Variants in COBL observed in about 807,000 individuals in gnomAD.
The protein encoded by COBL is protein cordon-bleu.
In COBL, 51 loss-of-function variants were observed where a neutral mutation model predicts 98.8. That is an observed-to-expected ratio of 0.52 (90% confidence interval 0.41 to 0.65). The LOEUF is 0.65. COBL is among the 30% of genes least tolerant of loss of function. The pLI, the probability that COBL is intolerant of heterozygous loss-of-function variation, is 0.00. For missense variants in COBL, 1,617 were observed against 1,617.5 expected (o/e 1.00, Z 0.01); for synonymous variants, 634 against 651.7 (o/e 0.97, Z 0.41).
At chr7:51,159,553 G>A (rs1336566005) in intron 5 of COBL, among the ~76,000 whole-genome samples, 2 of 152,180 alleles carry the variant, frequency 1.3e-5, no homozygotes, top group Non-Finnish European at 2.9e-5. Context: ...AGCAGGGGAA[G>A]GCCAGAAAGG....
At chr7:51,159,032 T>G (rs1034342306) in intron 5 of COBL, among the ~76,000 whole-genome samples, 1 of 152,078 alleles carries the variant, frequency 6.6e-6, no homozygotes, top group African/African-American at 2.4e-5. Context: ...TATAGTCCAC[T>G]TCCTTTTTTT....
intron 6 of COBL, among the ~76,000 whole-genome samples, chr7:51,094,387 C>CA (rs139044789): frequency 2.0e-5 from 3 of 150,960 alleles, no homozygotes; most frequent in Non-Finnish European, 3.0e-5. Flanking sequence ...AATCTCACCA[C>CA]AAAAAAAAGT....
chr7:51,136,164 C>T lies in COBL; in HGVS notation c.951G>A (p.Ser317=), dbSNP rs781025034. 44 of 1,610,648 alleles carry T rather than the reference C, an allele frequency of 2.7e-5. No homozygotes were observed. The highest frequency in any genetic ancestry group is 2.4e-4 in the South Asian group (22 of 90,690). ...GAACAGCCCACTGCCCTACCTTTTC[C>T]GATGCCTTGTCTTGCACAGGTGGCC... ...GSGPPVQDKA[S]EKVSLGSQID... is the part of the protein sequence containing the mutation. The change falls in exon 6 of 13, where the codon TCG becomes TCA. Residue 317 remains serine, a synonymous_variant. Transcript: ENST00000265136.
chr7:51,219,759 C>T lies in COBL; in HGVS notation c.227G>A (p.Arg76Lys), dbSNP rs1793436424. 1 of 1,614,098 alleles carries T rather than the reference C, an allele frequency of 6.2e-7. No homozygotes were observed. Among genetic ancestry groups the T allele is most frequent in the East Asian group, 2.2e-5 (1 of 44,860 alleles). Residue 76 changes from arginine (R) to lysine (K), a missense_variant, in exon 2 of 13, where the codon AGG becomes AAG. Arg to Lys is a conservative substitution (Grantham distance 26). Coordinates refer to ENST00000265136, the MANE Select transcript of COBL (RefSeq NM_015198.5). ...TVVLPSGLEK[R>K]SVLNGSHAMM... ...CTCTCACCTCCCATTGAGCACGCTCCTCTTCTCCAGCCCACTAGGCAGGAC... is the reference window on the plus strand; with the variant it reads ...CTCTCACCTCCCATTGAGCACGCTCTTCTTCTCCAGCCCACTAGGCAGGAC...
At chr7:51,176,392 A>G (rs1269082481) in intron 5 of COBL, among the ~76,000 whole-genome samples, 1 of 152,044 alleles carries the variant, frequency 6.6e-6, no homozygotes, top group Non-Finnish European at 1.5e-5. Flanking sequence ...TTTGGGATAT[A>G]TATGTATACA....
At chr7:51,265,696 C>T (rs544388499) in intron 1 of COBL, among the ~76,000 whole-genome samples, 1 of 152,172 alleles carries the variant, frequency 6.6e-6, no homozygotes, top group African/African-American at 2.4e-5. Context: ...TCTCCGGACA[C>T]CTGTCCCTGC....
intron 1 of COBL, among the ~76,000 whole-genome samples, chr7:51,287,411 T>C (rs891904791): frequency 6.6e-6 from 1 of 152,128 alleles, no homozygotes. Context: ...TTTAGGTAAA[T>C]GCAAGTTAAA....
rs186919633 is a variant in COBL, at chr7:51,279,179, T to C, written c.41+37414A>G. Among the ~76,000 whole-genome samples the C allele has an allele frequency of 2.3e-3, 351 of 152,326 alleles. 1 individual carries two copies. The highest frequency in any genetic ancestry group is 3.4e-3 in the Non-Finnish European group (229 of 68,032). On this transcript the variant is annotated intron_variant, in intron 1 of 12. Coordinates refer to ENST00000265136, the MANE Select transcript of COBL (RefSeq NM_015198.5). ...GAAAGGCGTGGCACACATTTTAAATTCATCATGAAGTTTCAGCATCTTTCA... is the reference window on the plus strand; with the variant it reads ...GAAAGGCGTGGCACACATTTTAAATCCATCATGAAGTTTCAGCATCTTTCA...
chr7:51,215,840 T>C (rs1020377853), intron 2 of COBL, among the ~76,000 whole-genome samples: 3 of 152,222 alleles, frequency 2.0e-5, no homozygotes, highest in African/African-American at 7.2e-5. Flanking sequence ...CCAGCCTCCC[T>C]TCCCTTGCAC....
chr7:51,133,698 T>C (rs1293482391), intron 6 of COBL, among the ~76,000 whole-genome samples: 2 of 152,190 alleles, frequency 1.3e-5, no homozygotes, highest in South Asian at 2.1e-4. Flanking sequence ...CACAGTACTG[T>C]GGGAAGAGCC....
chr7:51,032,888 A>ATG (rs1183101387), intron 8 of COBL: 1 of 152,226 alleles, frequency 6.6e-6, no homozygotes, highest in Admixed American at 6.5e-5. Flanking sequence ...AATGGAAAAG[A>ATG]GATTTAAATA....
intron 5 of COBL, chr7:51,156,292 A>ATC (rs1045256555): frequency 2.0e-6 from 2 of 984,644 alleles, no homozygotes; most frequent in African/African-American, 3.5e-5. Context: ...CCTCTTTTTT[A>ATC]TCTCCCCATG....
intron 1 of COBL, among the ~76,000 whole-genome samples, chr7:51,312,264 G>A (rs982907829): frequency 3.9e-5 from 6 of 152,160 alleles, no homozygotes; most frequent in African/African-American, 1.2e-4. Context: ...CGAGGAAGTG[G>A]AGGTTGCAGT....
At chr7:51,117,555 T>C (rs1797387301) in intron 6 of COBL, among the ~76,000 whole-genome samples, 1 of 152,168 alleles carries the variant, frequency 6.6e-6, no homozygotes, top group Non-Finnish European at 1.5e-5. Flanking sequence ...TTGGTTCTTA[T>C]TTATAGTTCT....
At chr7:51,127,976 G>A (rs1798384352) in intron 6 of COBL, among the ~76,000 whole-genome samples, 1 of 152,226 alleles carries the variant, frequency 6.6e-6, no homozygotes, top group Non-Finnish European at 1.5e-5. Context: ...CACAGTGGAG[G>A]AAGTGGGAAA....
At chr7:51,290,482 C>A (rs999144290) in intron 1 of COBL, among the ~76,000 whole-genome samples, 1 of 151,986 alleles carries the variant, frequency 6.6e-6, no homozygotes, top group Admixed American at 6.6e-5. Flanking sequence ...TTGTGCTCAG[C>A]CTTCCTTTAA....
chr7:51,106,788 C>G (rs1020764208), intron 6 of COBL, among the ~76,000 whole-genome samples: 34 of 152,124 alleles, frequency 2.2e-4, no homozygotes, highest in Admixed American at 1.7e-3. Context: ...CTATCATCAT[C>G]ATTCTTGTTA....
chr7:51,119,276 T>C (rs1021168674), intron 6 of COBL, among the ~76,000 whole-genome samples: 2 of 152,216 alleles, frequency 1.3e-5, no homozygotes, highest in African/African-American at 2.4e-5. Flanking sequence ...CCTAGTGATA[T>C]ATATGGCGAC....
chr7:51,195,515 T>C (rs940066500), intron 2 of COBL, among the ~76,000 whole-genome samples: 3 of 152,310 alleles, frequency 2.0e-5, no homozygotes, highest in South Asian at 4.1e-4. Context: ...TTTGGTTCTT[T>C]GTGAATTTTA....
Sources: allele counts gnomAD v4.1 joint callset (sites outside exome capture counted in the v4.1 genomes callset), GRCh38; gene constraint gnomAD v4.1.1; transcripts MANE v1.5; gene names NCBI Gene and HGNC (gene_info 2026-07-23, HGNC 2026-07-21).